PARVB: variants seen among roughly 807,000 people sequenced by gnomAD.
The protein encoded by PARVB is beta-parvin.
Under a neutral mutation model 47.0 loss-of-function variants are expected in PARVB, and 46 were observed. The ratio of observed to expected loss-of-function variants is 0.98; its 90% CI spans 0.77 to 1.25. The LOEUF is 1.25. PARVB is among the 50% of genes most tolerant of loss of function. The probability of loss-of-function intolerance (pLI) is 0.00; values close to 1 mark genes in which losing one functional copy is unlikely to be tolerated. For synonymous variants in PARVB, 196 were observed against 196.3 expected (o/e 1.00, Z 0.01); for missense variants, 473 against 471.6 (o/e 1.00, Z -0.03).
chr22:44,025,168 C>A (rs965736897), intron 1 of PARVB, among the ~76,000 whole-genome samples: 13 of 151,606 alleles, frequency 8.6e-5, no homozygotes, highest in Non-Finnish European at 1.5e-4. Context: ...AGTGAGATTT[C>A]GGATTGGTGA....
At position 44,049,530 on chromosome 22, in the gene PARVB, C is replaced by T. The variant is rs956240513; in HGVS notation, c.112+25079C>T. Among the ~76,000 whole-genome samples, 3 of 152,242 alleles carry T rather than the reference C, an allele frequency of 2.0e-5. No individual in the cohort carries two copies. Among genetic ancestry groups the T allele is most frequent in the African/African-American group, 4.8e-5 (2 of 41,470 alleles). On this transcript the variant is annotated intron_variant, in intron 1 of 12. Transcript: ENST00000338758. This position sits in a 1 kb window ranked among gnomAD's most constrained non-coding sequence, Gnocchi z 4.0. ...GAAAATGTGTGCAGAGGATGCACTGCGTGCAGGCTGCGGCTCGAGGTCAAT... is the reference window on the plus strand; with the variant it reads ...GAAAATGTGTGCAGAGGATGCACTGTGTGCAGGCTGCGGCTCGAGGTCAAT...
Position 44,131,584 on chromosome 22 carries a change from C to T in PARVB, c.474C>T (p.Asp158=). The T allele has an allele frequency of 1.2e-6, 2 of 1,614,092 alleles. No homozygotes were observed. Among genetic ancestry groups the T allele is most frequent in the East Asian group, 2.2e-5 (1 of 44,870 alleles). ...KLQTVLEAVH[D]LLRPRGWALR... is the part of the protein sequence containing the mutation. ...AGACGGTGCTGGAAGCAGTACATGA[C>T]CTGCTGCGGCCCCGAGGCTGGGCGC... The change falls in exon 5 of 13, where the codon GAC becomes GAT. Residue 158 remains aspartate (D), a synonymous_variant. Transcript: ENST00000338758.
At chr22:44,026,339 C>T in intron 1 of PARVB, 1 of 985,532 alleles carries the variant, frequency 1.0e-6, no homozygotes, top group African/African-American at 1.7e-5. Context: ...GGAGGAGGAG[C>T]AGGACGCCGG....
At chr22:44,101,214 C>T (rs941567846) in intron 3 of PARVB, among the ~76,000 whole-genome samples, 1 of 150,434 alleles carries the variant, frequency 6.6e-6, no homozygotes, top group Non-Finnish European at 1.5e-5. Context: ...TCGAGACCAT[C>T]CTGGCTAACA....
intron 1 of PARVB, among the ~76,000 whole-genome samples, chr22:44,052,627 C>T (rs1569077938): frequency 6.6e-6 from 1 of 152,188 alleles, no homozygotes. Context: ...ATAGCCGTGG[C>T]TGCGTCCCCC....
At chr22:44,042,901 C>G (rs551223604) in intron 1 of PARVB, among the ~76,000 whole-genome samples, 16 of 152,150 alleles carry the variant, frequency 1.1e-4, no homozygotes, top group Non-Finnish European at 1.9e-4. Flanking sequence ...ACTTAGCTGG[C>G]TTGATCAGAA....
intron 2 of PARVB, among the ~76,000 whole-genome samples, chr22:44,006,849 T>C (rs2050470721): frequency 6.6e-6 from 1 of 152,198 alleles, no homozygotes; most frequent in South Asian, 2.1e-4. Flanking sequence ...AGAAAGCTAG[T>C]AACAGCAAAG....
At chr22:43,999,600 T>G in exon 2 of PARVB, 1 of 1,613,860 alleles carries the variant, frequency 6.2e-7, no homozygotes, top group East Asian at 2.2e-5. Context: ...CACTCATGGC[T>G]TCTCTGGCTG....
Position 44,094,012 on chromosome 22 carries a change from A to C in PARVB, c.197A>C (p.Gln66Pro). ...ALVDVHPEDT[Q>P]LEENEERTMI... ...GTGGATGTTCACCCTGAAGACACCCAGCTTGGTACGGGGGTTCCTCCGCTC... is the reference window on the plus strand; with the variant it reads ...GTGGATGTTCACCCTGAAGACACCCCGCTTGGTACGGGGGTTCCTCCGCTC... The change falls in exon 2 of 13, where the codon CAG becomes CCG. Residue 66 changes from glutamine to proline, a missense_variant. Coordinates refer to ENST00000338758, the MANE Select transcript of PARVB (RefSeq NM_013327.5). 1 of 1,600,006 alleles carries C rather than the reference A, an allele frequency of 6.2e-7. No homozygotes were observed. Among genetic ancestry groups the C allele is most frequent in the South Asian group, 1.1e-5 (1 of 90,748 alleles).
chr22:44,088,719 A>G (rs1357166721), intron 1 of PARVB, among the ~76,000 whole-genome samples: 1 of 152,086 alleles, frequency 6.6e-6, no homozygotes, highest in Non-Finnish European at 1.5e-5. Flanking sequence ...TGATTTGCCC[A>G]CCTTGGCCTC....
chr22:44,068,508 G>A lies in PARVB; in HGVS notation c.113-25420G>A, dbSNP rs1051129832. Among the ~76,000 whole-genome samples, 19 of 152,296 alleles carry A rather than the reference G, an allele frequency of 1.2e-4. No individual in the cohort carries two copies. The highest frequency in any genetic ancestry group is 4.1e-4 in the South Asian group (2 of 4,822). ...TGAGTGCTCCCGAGAGCAGCCTGCCGCCTCCGTGTCGGGGCAGCCTCAGCT... is the reference window on the plus strand; with the variant it reads ...TGAGTGCTCCCGAGAGCAGCCTGCCACCTCCGTGTCGGGGCAGCCTCAGCT... On this transcript the variant is annotated intron_variant, in intron 1 of 12. Transcript: ENST00000338758. This position sits in a 1 kb window ranked among gnomAD's most constrained non-coding sequence, Gnocchi z 4.1.
intron 10 of PARVB, chr22:44,152,768 G>A (rs1165153804): frequency 6.6e-6 from 1 of 152,100 alleles, no homozygotes; most frequent in Non-Finnish European, 1.5e-5. Context: ...GGATTAGCAG[G>A]GTGCTTGAAT....
chr22:44,002,849 G>A (rs1020990044), intron 2 of PARVB, among the ~76,000 whole-genome samples: 2 of 152,264 alleles, frequency 1.3e-5, no homozygotes, highest in Middle Eastern at 3.4e-3. Context: ...AGACACACAC[G>A]TCTCGGTGCC....
At chr22:44,119,412 T>C (rs889074163) in intron 4 of PARVB, among the ~76,000 whole-genome samples, 1 of 152,234 alleles carries the variant, frequency 6.6e-6, no homozygotes, top group Non-Finnish European at 1.5e-5. Flanking sequence ...CTGTTGGGTC[T>C]CAGGCCCACT....
intron 1 of PARVB, among the ~76,000 whole-genome samples, chr22:44,038,654 C>T (rs566926115): frequency 6.6e-5 from 10 of 152,106 alleles, no homozygotes; most frequent in East Asian, 5.8e-4. Flanking sequence ...TGATGGTGTA[C>T]GCCTGTAATC....
At position 44,049,008 on chromosome 22, in the gene PARVB, C is replaced by T. The variant is rs779168033; in HGVS notation, c.112+24557C>T. Among the ~76,000 whole-genome samples, 10 of 152,172 alleles carry T rather than the reference C, an allele frequency of 6.6e-5. No individual in the cohort carries two copies. Among genetic ancestry groups the T allele is most frequent in the Admixed American group, 2.0e-4 (3 of 15,284 alleles). ...CCTGGCCTATTTCACTCCATTTTGCCGAGGAGGGAACAGAAGTGTGGAGTC... is the reference window on the plus strand; with the variant it reads ...CCTGGCCTATTTCACTCCATTTTGCTGAGGAGGGAACAGAAGTGTGGAGTC... On this transcript the variant is annotated intron_variant, in intron 1 of 12. Transcript: ENST00000338758. The surrounding 1 kb of genome is among the most constrained non-coding windows in gnomAD (Gnocchi z 4.0).
At position 44,068,235 on chromosome 22, in the gene PARVB, A is replaced by G. The variant is rs1479113298; in HGVS notation, c.113-25693A>G. On this transcript the variant is annotated intron_variant, in intron 1 of 12. Transcript: ENST00000338758. The surrounding 1 kb of genome is among the most constrained non-coding windows in gnomAD (Gnocchi z 4.1). ...TAATCGTGCTTCCTGGATGCCAGGA[A>G]CCACTGAAATTTGTGGATTCCCACA... is the stretch of plus-strand genomic sequence containing the variant. Among the ~76,000 whole-genome samples, 1 of 152,180 alleles carries G rather than the reference A, an allele frequency of 6.6e-6. No individual in the cohort carries two copies. The highest frequency in any genetic ancestry group is 6.5e-5 in the Admixed American group (1 of 15,288).
At chr22:44,060,044 G>A (rs1243237613) in intron 1 of PARVB, among the ~76,000 whole-genome samples, 2 of 152,142 alleles carry the variant, frequency 1.3e-5, no homozygotes, top group Admixed American at 6.6e-5. Flanking sequence ...ACCAGGCGTG[G>A]GGGCTCATGT....
chr22:44,139,417 C>T (rs1283961092), intron 7 of PARVB: 1 of 152,952 alleles, frequency 6.5e-6, no homozygotes, highest in African/African-American at 2.4e-5. Context: ...CCAGGCTCGT[C>T]TCCAGCCTTG....
Sources: allele counts gnomAD v4.1 joint callset (sites outside exome capture counted in the v4.1 genomes callset), GRCh38; gene constraint gnomAD v4.1.1; non-coding constraint Gnocchi (gnomAD v3.1); transcripts MANE v1.5; gene names NCBI Gene and HGNC (gene_info 2026-07-23, HGNC 2026-07-21).